PKD2L2: variants seen among roughly 807,000 people sequenced by gnomAD.
The protein encoded by PKD2L2 is polycystin 2 like 2, transient receptor potential cation channel, also known as polycystin-2-like protein 2.
Under a neutral mutation model 83.9 loss-of-function variants are expected in PKD2L2, and 67 were observed. That is an observed-to-expected ratio of 0.80 (90% confidence interval 0.66 to 0.98). PKD2L2 has a LOEUF of 0.98. Among genes scored for constraint, PKD2L2 ranks in the 50% least tolerant of loss-of-function variants. The pLI, the probability that PKD2L2 is intolerant of heterozygous loss-of-function variation, is 0.00. For synonymous variants in PKD2L2, 223 were observed against 237.8 expected, an observed-to-expected ratio of 0.94 and a Z score of 0.57; for missense variants, 632 against 717.2, an observed-to-expected ratio of 0.88 and a Z score of 1.36.
chr5:137,904,743 A>G (rs921939938), intron 5 of PKD2L2, among the ~76,000 whole-genome samples: 1 of 152,170 alleles, frequency 6.6e-6, no homozygotes, highest in Non-Finnish European at 1.5e-5. Flanking sequence ...AAACCTGCAC[A>G]TGCACCCCTG....
At chr5:137,912,525 C>A (rs1252998001) in intron 8 of PKD2L2, among the ~76,000 whole-genome samples, 1 of 150,722 alleles carries the variant, frequency 6.6e-6, no homozygotes, top group Non-Finnish European at 1.5e-5. Flanking sequence ...CACCACCACA[C>A]CTGGCTAATT....
At position 137,906,291 on chromosome 5, in the gene PKD2L2, T is replaced by A; in HGVS notation, c.832T>A (p.Tyr278Asn). The A allele has an allele frequency of 1.2e-6, 2 of 1,611,052 alleles. No homozygotes were observed. Residue 278 changes from tyrosine (Y) to asparagine (N), a missense_variant, in exon 6 of 15, where the codon TAT (tyrosine) becomes AAT (asparagine). Tyr to Asn is a moderately radical substitution (Grantham distance 143). This residue lies in a region of PKD2L2 where 399 missense variants were observed against 416.9 expected (regional missense o/e 0.96). Transcript: ENST00000508883. ...SVKLLRYVSYYDYFIASCEIT... is the reference protein window; with the variant it reads ...SVKLLRYVSYNDYFIASCEIT... ...GAAGCTCCTCAGATATGTTAGCTAC[T>A]ATGACTATTTTATTGCTTCCTGTGA...
At chr5:137,900,377 C>T (rs564950012) in intron 5 of PKD2L2, among the ~76,000 whole-genome samples, 1 of 152,160 alleles carries the variant, frequency 6.6e-6, no homozygotes, top group African/African-American at 2.4e-5. Context: ...TATCATGAAC[C>T]TTTAATAACA....
At chr5:137,922,985 G>T (rs190771973) in intron 9 of PKD2L2, among the ~76,000 whole-genome samples, 1 of 149,962 alleles carries the variant, frequency 6.7e-6, no homozygotes, top group East Asian at 1.9e-4. Flanking sequence ...TTTAAAATTT[G>T]ATTTTTTTTG....
chr5:137,906,877 G>A (rs943143043), intron 6 of PKD2L2, among the ~76,000 whole-genome samples: 3 of 152,178 alleles, frequency 2.0e-5, no homozygotes, highest in African/African-American at 7.2e-5. Flanking sequence ...AATACTGACA[G>A]GGGTGAGCAG....
intron 5 of PKD2L2, 34 bp downstream of exon 5, chr5:137,899,771 G>A: frequency 4.0e-6 from 5 of 1,244,440 alleles, no homozygotes; most frequent in Non-Finnish European, 4.6e-6. Flanking sequence ...CATAGACAGT[G>A]GTCAATGGCC....
At position 137,894,598 on chromosome 5, in the gene PKD2L2, A is replaced by G. The variant is rs762165478; in HGVS notation, c.513A>G (p.Gln171=). The G allele has an allele frequency of 2.7e-5, 43 of 1,609,352 alleles. No homozygotes were observed. Among genetic ancestry groups the G allele is most frequent in the Admixed American group, 1.0e-4 (6 of 59,902 alleles). ...AAGACCTCTCTAATTTTGGCCTTCA[A>G]ATTAATACTGAGTAAGTAGCATAAA... is the stretch of plus-strand genomic sequence containing the variant. ...ANEDLSNFGL[Q]INTEWRYSTS... The change falls in exon 4 of 15, where the codon CAA becomes CAG. Residue 171 remains glutamine (Q), a synonymous_variant. Transcript: ENST00000508883.
At chr5:137,935,266 A>G (rs1193279516) in intron 12 of PKD2L2, among the ~76,000 whole-genome samples, 1 of 152,218 alleles carries the variant, frequency 6.6e-6, no homozygotes, top group Non-Finnish European at 1.5e-5. Flanking sequence ...AGGAAGGTTC[A>G]GCAATACAAA....
chr5:137,915,574 C>T (rs1165580787), intron 8 of PKD2L2, among the ~76,000 whole-genome samples: 2 of 152,162 alleles, frequency 1.3e-5, no homozygotes, highest in Admixed American at 1.3e-4. Context: ...AGGCGTGCGC[C>T]ACCATGCCCG....
chr5:137,894,434 A>C lies in PKD2L2; in HGVS notation c.349A>C (p.Ser117Arg), dbSNP rs1756262477. Residue 117 changes from serine (S) to arginine (R), a missense_variant, in exon 4 of 15, where the codon AGT becomes CGT. Around this residue, in one of 3 missense-constraint regions of PKD2L2, gnomAD observed 229 missense variants for 281.5 expected, o/e 0.81. Transcript: ENST00000508883. ...NQQLYNLKNS[S>R]RIYYENILLG... Reference sequence around the variant, plus strand: ...GCAGCTGTATAATTTAAAGAACAGCAGTCGCATCTACTATGAAAATATACT... The same window carrying C: ...GCAGCTGTATAATTTAAAGAACAGCCGTCGCATCTACTATGAAAATATACT... 6.2e-7 allele frequency: 1 copy of C among 1,612,998 alleles called. No homozygotes were observed. The highest frequency in any genetic ancestry group is 8.5e-7 in the Non-Finnish European group (1 of 1,179,352).
chr5:137,903,145 C>T (rs1437234826), intron 5 of PKD2L2, among the ~76,000 whole-genome samples: 1 of 152,218 alleles, frequency 6.6e-6, no homozygotes, highest in Non-Finnish European at 1.5e-5. Context: ...CCCACACATG[C>T]GTCTTTAAGT....
chr5:137,928,210 C>T (rs1360067601), intron 12 of PKD2L2, among the ~76,000 whole-genome samples: 2 of 151,856 alleles, frequency 1.3e-5, no homozygotes, highest in Non-Finnish European at 2.9e-5. Context: ...GAAATACTAT[C>T]GTCTTTCTAA....
intron 12 of PKD2L2, among the ~76,000 whole-genome samples, chr5:137,933,868 TG>T (rs1049135839): frequency 2.1e-4 from 32 of 152,318 alleles, no homozygotes; most frequent in African/African-American, 6.7e-4. Context: ...CTTCTTTCCC[TG>T]CTGGTTCTGT....
At chr5:137,922,032 C>T (rs1235707815) in intron 9 of PKD2L2, among the ~76,000 whole-genome samples, 1 of 152,188 alleles carries the variant, frequency 6.6e-6, no homozygotes, top group Admixed American at 6.5e-5. Context: ...CAGGCTGGGA[C>T]AATGCATGCC....
chr5:137,907,947 A>T, intron 7 of PKD2L2, 35 bp downstream of exon 7: 1 of 883,832 alleles, frequency 1.1e-6, no homozygotes, highest in Non-Finnish European at 1.7e-6. Context: ...TAATACAAGC[A>T]GTGTAATAGC....
chr5:137,920,682 G>A (rs1245516390), intron 8 of PKD2L2, among the ~76,000 whole-genome samples: 1 of 151,890 alleles, frequency 6.6e-6, no homozygotes, highest in Non-Finnish European at 1.5e-5. Flanking sequence ...GCTTGAACCC[G>A]GGAGGCAGAG....
At chr5:137,931,391 T>C (rs1759866332) in intron 12 of PKD2L2, among the ~76,000 whole-genome samples, 1 of 152,154 alleles carries the variant, frequency 6.6e-6, no homozygotes, top group African/African-American at 2.4e-5. Flanking sequence ...TACTATATAT[T>C]GTGCCAAAAA....
At chr5:137,934,510 C>T (rs1405833944) in intron 12 of PKD2L2, among the ~76,000 whole-genome samples, 2 of 152,044 alleles carry the variant, frequency 1.3e-5, no homozygotes, top group East Asian at 3.8e-4. Context: ...TTTCCTACTT[C>T]GAATATGTTC....
chr5:137,938,931 A>C (rs1760893366), intron 14 of PKD2L2: 1 of 152,224 alleles, frequency 6.6e-6, no homozygotes, highest in Admixed American at 6.5e-5. Context: ...CCAGAAAAAA[A>C]AGTTAACACT....
Sources: allele counts gnomAD v4.1 joint callset (sites outside exome capture counted in the v4.1 genomes callset), GRCh38; gene constraint gnomAD v4.1.1; regional missense constraint gnomAD v4.1.1; transcripts MANE v1.5; gene names NCBI Gene and HGNC (gene_info 2026-07-23, HGNC 2026-07-21).